MSH5: variants seen among roughly 807,000 people sequenced by gnomAD.
MSH5 encodes the protein mutS protein homolog 5.
MSH5 carries 78 observed loss-of-function variants against 107.7 expected under a neutral mutation model. That is an observed-to-expected ratio of 0.72 (90% confidence interval 0.60 to 0.87). The LOEUF is 0.87. Ranked by LOEUF, MSH5 falls within the 40% of genes least tolerant of loss-of-function variation. The pLI is 0.00. For synonymous variants in MSH5, 326 were observed against 399.5 expected, an observed-to-expected ratio of 0.82 and a Z score of 2.19; for missense variants, 889 against 1,046.6, an observed-to-expected ratio of 0.85 and a Z score of 2.08.
intron 10 of MSH5, among the ~76,000 whole-genome samples, chr6:31,750,871 C>G (rs2151356639): frequency 6.6e-6 from 1 of 152,284 alleles, no homozygotes; most frequent in South Asian, 2.1e-4. Flanking sequence ...AGTACTTGTT[C>G]TATGTAGAAA....
chr6:31,751,265 G>A (rs1248541841), intron 10 of MSH5, among the ~76,000 whole-genome samples: 1 of 152,030 alleles, frequency 6.6e-6, no homozygotes, highest in Admixed American at 6.6e-5. Context: ...CAAAGTGCTG[G>A]GATTACAGGC....
intron 9 of MSH5, among the ~76,000 whole-genome samples, chr6:31,746,747 G>A (rs1341362704): frequency 1.3e-5 from 2 of 152,042 alleles, no homozygotes; most frequent in Non-Finnish European, 2.9e-5. Flanking sequence ...CACCCTGCCC[G>A]GCCAGCTATT....
At chr6:31,757,363 C>T (rs1382769917) in intron 12 of MSH5, 3 of 152,200 alleles carry the variant, frequency 2.0e-5, no homozygotes, top group Non-Finnish European at 4.4e-5. Context: ...CCAGGATGGT[C>T]TCAATCTCCT....
chr6:31,747,262 C>A, intron 9 of MSH5, 125 bp from the exon 10 acceptor site: 1 of 1,004,926 alleles, frequency 1.0e-6, no homozygotes, highest in African/African-American at 1.6e-5. Flanking sequence ...CCTTTGTGCC[C>A]TCCCAGGCCA....
rs752487453 is a variant in MSH5 at position 31,744,184 on chromosome 6, T to C, written c.538-6T>C. On this transcript the variant is annotated splice_region_variant and splice_polypyrimidine_tract_variant and intron_variant, in intron 6 of 24. Transcript: ENST00000375750. Reference sequence around the variant, plus strand: ...TACCCCGATTCCACTGCTGATCCCCTCCCAGGTTCGAGCACTTGGAGGGCT... The same window carrying C: ...TACCCCGATTCCACTGCTGATCCCCCCCCAGGTTCGAGCACTTGGAGGGCT... The C allele has an allele frequency of 6.2e-7, 1 of 1,609,694 alleles. No homozygotes were observed. The highest frequency in any genetic ancestry group is 1.7e-5 in the Admixed American group (1 of 59,316).
At chr6:31,762,240 T>G (rs1353158770) in intron 24 of MSH5, 55 bp downstream of exon 24, 12 of 1,582,134 alleles carry the variant, frequency 7.6e-6, no homozygotes, top group Non-Finnish European at 1.0e-5. Flanking sequence ...CTGCAACTCT[T>G]CTCCCCTTTT....
chr6:31,747,138 G>T (rs894333828), intron 9 of MSH5, among the ~76,000 whole-genome samples: 1 of 152,184 alleles, frequency 6.6e-6, no homozygotes, highest in African/African-American at 2.4e-5. Context: ...GTTTTAACTA[G>T]GTCTGCTTTG....
Position 31,759,237 on chromosome 6 carries a change from G to T in MSH5, c.1407+60G>T. The T allele has an allele frequency of 1.3e-6, 2 of 1,498,216 alleles. No individual in the cohort carries two copies. The highest frequency in any genetic ancestry group is 1.1e-5 in the South Asian group (1 of 88,722). The allele number at this position is 1,498,216 out of a possible 1,614,324, so 92.8% of individuals were successfully genotyped here. On this transcript the variant is annotated intron_variant, in intron 16 of 24. Coordinates refer to ENST00000375750, the MANE Select transcript of MSH5 (RefSeq NM_172166.4). This position sits in a 1 kb window ranked among gnomAD's most constrained non-coding sequence, Gnocchi z 4.7. ...GGAAAATGAGTCAGCAGCTGAGGAAGAGCGTTACTCTACAGCAGCACTGCC... is the reference window on the plus strand; with the variant it reads ...GGAAAATGAGTCAGCAGCTGAGGAATAGCGTTACTCTACAGCAGCACTGCC...
chr6:31,745,135 C>T, intron 8 of MSH5, 102 bp from the exon 9 acceptor site: 1 of 602,518 alleles, frequency 1.7e-6, no homozygotes, highest in East Asian at 3.4e-5. Flanking sequence ...AAGACGTGAT[C>T]TCAGGAGGAT....
Position 31,760,627 on chromosome 6 carries a change from G to A in MSH5, c.1813-63G>A. On this transcript the variant is annotated intron_variant, in intron 19 of 24. Coordinates refer to ENST00000375750, the MANE Select transcript of MSH5 (RefSeq NM_172166.4). This position sits in a 1 kb window ranked among gnomAD's most constrained non-coding sequence, Gnocchi z 5.6. Reference sequence around the variant, plus strand: ...CTCTTTGATGTGCCATTCATGCCTTGAGCCTCACTTTCACCTCAGCCCACG... The same window carrying A: ...CTCTTTGATGTGCCATTCATGCCTTAAGCCTCACTTTCACCTCAGCCCACG... 6.2e-7 allele frequency: 1 copy of A among 1,604,372 alleles called. No individual in the cohort carries two copies.
At position 31,761,202 on chromosome 6, in the gene MSH5, G is replaced by A. The variant is rs780191061; in HGVS notation, c.1977G>A (p.Val659=). ...ATACCCAGCAGGTGGCGAAAGCAGT[G>A]AACAATGCCACTGCACAGTCGCTGG... ...MIDLNQVAKA[V]NNATAQSLVL... The change falls in exon 21 of 25, where the codon GTG becomes GTA. Residue 659 remains valine (V), a synonymous_variant. Coordinates refer to ENST00000375750, the MANE Select transcript of MSH5 (RefSeq NM_172166.4). The surrounding 1 kb of genome is among the most constrained non-coding windows in gnomAD (Gnocchi z 5.3). 1.2e-6 allele frequency: 2 copies of A among 1,613,958 alleles called. No individual in the cohort carries two copies. The highest frequency in any genetic ancestry group is 1.7e-6 in the Non-Finnish European group (2 of 1,179,988).
chr6:31,743,305 C>G (rs1809088224), intron 5 of MSH5, 135 bp downstream of exon 5: 1 of 883,270 alleles, frequency 1.1e-6, no homozygotes, highest in Non-Finnish European at 1.8e-6. Flanking sequence ...TGCCCTATGA[C>G]CTGTCCCCCC....
chr6:31,759,238 A>G lies in MSH5; in HGVS notation c.1407+61A>G. ...GAAAATGAGTCAGCAGCTGAGGAAG[A>G]GCGTTACTCTACAGCAGCACTGCCC... is the stretch of plus-strand genomic sequence containing the variant. On this transcript the variant is annotated intron_variant, in intron 16 of 24. Transcript: ENST00000375750. This position sits in a 1 kb window ranked among gnomAD's most constrained non-coding sequence, Gnocchi z 4.7. 1 of 1,492,518 alleles carries G rather than the reference A, an allele frequency of 6.7e-7. No individual in the cohort carries two copies. Among genetic ancestry groups the G allele is most frequent in the Non-Finnish European group, 9.3e-7 (1 of 1,071,212 alleles). 92.5% of individuals were successfully genotyped at this position (1,492,518 alleles called of 1,614,324 possible). A position where few individuals can be genotyped will look rare whatever the true frequency, so the allele number is the denominator to read the frequency against.
Position 31,759,241 on chromosome 6 carries a change from G to C in MSH5, c.1407+64G>C. The C allele has an allele frequency of 6.8e-7, 1 of 1,477,772 alleles. No homozygotes were observed. Among genetic ancestry groups the C allele is most frequent in the Non-Finnish European group, 9.5e-7 (1 of 1,057,904 alleles). 91.5% of individuals were successfully genotyped at this position (1,477,772 alleles called of 1,614,324 possible). A position where few individuals can be genotyped will look rare whatever the true frequency, so the allele number is the denominator to read the frequency against. On this transcript the variant is annotated intron_variant, in intron 16 of 24. Transcript: ENST00000375750. This position sits in a 1 kb window ranked among gnomAD's most constrained non-coding sequence, Gnocchi z 4.7. Reference sequence around the variant, plus strand: ...AATGAGTCAGCAGCTGAGGAAGAGCGTTACTCTACAGCAGCACTGCCCAAT... The same window carrying C: ...AATGAGTCAGCAGCTGAGGAAGAGCCTTACTCTACAGCAGCACTGCCCAAT...
intron 12 of MSH5, among the ~76,000 whole-genome samples, chr6:31,755,337 C>CATTCATTT (rs1810354540): frequency 1.4e-5 from 2 of 144,924 alleles, no homozygotes; most frequent in Admixed American, 6.9e-5. Flanking sequence ...TTTTTGCTTG[C>CATTCATTT]ATTTATTTAT....
chr6:31,742,606 C>T lies in MSH5; in HGVS notation c.272-271C>T, dbSNP rs1188800659. On this transcript the variant is annotated intron_variant, in intron 3 of 24. Transcript: ENST00000375750. ...AATGTTTCAGGTGCTTCAGATTCAG[C>T]CCTGGGCAAATCAGTCATGTCTGTT... 5.9e-5 allele frequency among the ~76,000 whole-genome samples: 9 copies of T among 152,154 alleles called. No individual in the cohort carries two copies. In the East Asian group the frequency reaches 1.5e-3, roughly 26 times the overall value.
intron 8 of MSH5, 47 bp from the exon 9 acceptor site, chr6:31,745,190 C>T (rs747252039): frequency 1.7e-6 from 2 of 1,190,916 alleles, no homozygotes; most frequent in Admixed American, 3.4e-5. Flanking sequence ...TTCTTATTCC[C>T]TTCAAAAGTC....
rs748697188 is a variant in MSH5, at chr6:31,740,426, G to C, written c.-13-28G>C. On this transcript the variant is annotated intron_variant, in intron 1 of 24. Transcript: ENST00000375750. The surrounding 1 kb of genome is among the most constrained non-coding windows in gnomAD (Gnocchi z 4.4). ...GCCTCCTCTGTGAATCGTTGCTTCCGAACCGCCCTCACTTTTTGCATCCGC... is the reference window on the plus strand; with the variant it reads ...GCCTCCTCTGTGAATCGTTGCTTCCCAACCGCCCTCACTTTTTGCATCCGC... The C allele has an allele frequency of 6.5e-7, 1 of 1,542,490 alleles. No individual in the cohort carries two copies. Among genetic ancestry groups the C allele is most frequent in the Non-Finnish European group, 8.7e-7 (1 of 1,143,332 alleles).
chr6:31,755,186 C>G (rs931269678), intron 12 of MSH5, among the ~76,000 whole-genome samples: 4 of 152,084 alleles, frequency 2.6e-5, no homozygotes, highest in African/African-American at 7.2e-5. Context: ...GGGTCTCACT[C>G]TGTCACCCAG....
Sources: allele counts gnomAD v4.1 joint callset (sites outside exome capture counted in the v4.1 genomes callset), GRCh38; gene constraint gnomAD v4.1.1; non-coding constraint Gnocchi (gnomAD v3.1); transcripts MANE v1.5; gene names NCBI Gene and HGNC (gene_info 2026-07-23, HGNC 2026-07-21).